Variants in CHSY3 observed in about 807,000 individuals in gnomAD.
CHSY3 encodes the protein chondroitin sulfate synthase 3, also known as N-acetylgalactosaminyl-proteoglycan 3-beta-glucuronosyltransferase 3.
A neutral mutation model predicts 67.2 loss-of-function variants in CHSY3; 35 were observed. The observed-to-expected ratio is 0.52, with a 90% CI of 0.40 to 0.69. The LOEUF (loss-of-function observed/expected upper bound fraction) is 0.69, where lower values mean the gene tolerates loss of function less well. CHSY3 is among the 30% of genes least tolerant of loss of function. The pLI, the probability that CHSY3 is intolerant of heterozygous loss-of-function variation, is 0.00. For missense variants in CHSY3, 1,069 were observed against 1,138.5 expected (o/e 0.94, Z 0.88); for synonymous variants, 474 against 434.7 (o/e 1.09, Z -1.12).
At chr5:129,975,090 G>T (rs866250673) in intron 2 of CHSY3, 1 of 152,158 alleles carries the variant, frequency 6.6e-6, no homozygotes, top group South Asian at 2.1e-4. Flanking sequence ...GTGGGGGTAG[G>T]GGGGAAGGAT....
intron 2 of CHSY3, among the ~76,000 whole-genome samples, chr5:130,013,086 G>A (rs1764115320): frequency 6.6e-6 from 1 of 151,912 alleles, no homozygotes; most frequent in African/African-American, 2.4e-5. Context: ...AAATCCAACA[G>A]GCCAGTTATT....
At chr5:130,140,309 T>G (rs922476009) in intron 2 of CHSY3, 29 of 487,980 alleles carry the variant, frequency 5.9e-5, no homozygotes, top group African/African-American at 5.7e-4. Context: ...CAGCCCTTCA[T>G]AGTGGTGAAT....
At chr5:130,160,891 A>ATTT (rs1171885849) in intron 2 of CHSY3, among the ~76,000 whole-genome samples, 12 of 138,252 alleles carry the variant, frequency 8.7e-5, no homozygotes, top group African/African-American at 1.5e-4. Flanking sequence ...TTATTTATTT[A>ATTT]TTTATTTTTT....
intron 2 of CHSY3, among the ~76,000 whole-genome samples, chr5:129,962,391 T>C (rs1168888681): frequency 6.6e-6 from 1 of 151,942 alleles, no homozygotes; most frequent in Non-Finnish European, 1.5e-5. Flanking sequence ...TGTTTTCCTC[T>C]CTCCTCTTAA....
At chr5:130,029,188 G>A (rs1192872447) in intron 2 of CHSY3, among the ~76,000 whole-genome samples, 1 of 152,082 alleles carries the variant, frequency 6.6e-6, no homozygotes, top group Non-Finnish European at 1.5e-5. Flanking sequence ...GGAGCCAGAA[G>A]CTTTGTTCTA....
chr5:130,017,276 G>C (rs565047968), intron 2 of CHSY3, among the ~76,000 whole-genome samples: 26 of 152,078 alleles, frequency 1.7e-4, no homozygotes, highest in Non-Finnish European at 1.3e-4. Flanking sequence ...GCCAGTCTCA[G>C]ATATTCTAGA....
At chr5:129,906,502 CCA>C (rs1389608662) in intron 1 of CHSY3, among the ~76,000 whole-genome samples, 1 of 152,190 alleles carries the variant, frequency 6.6e-6, no homozygotes, top group Admixed American at 6.5e-5. Context: ...CTTCCCAGAA[CCA>C]CAGGCAGCCA....
chr5:129,904,738 G>A lies in CHSY3; in HGVS notation c.-92G>A. The A allele has an allele frequency of 1.6e-6, 2 of 1,233,336 alleles. No homozygotes were observed. The highest frequency in any genetic ancestry group is 2.0e-6 in the Non-Finnish European group (2 of 989,420). The allele number at this position is 1,233,336 out of a possible 1,614,324, so 76.4% of individuals were successfully genotyped here. A position where few individuals can be genotyped will look rare whatever the true frequency, so the allele number is the denominator to read the frequency against. On this transcript the variant is annotated 5_prime_UTR_variant, in exon 1 of 3. Coordinates refer to ENST00000305031, the MANE Select transcript of CHSY3 (RefSeq NM_175856.5). The stretch of plus-strand genomic sequence containing the variant: ...CGGCCGGCTGCGGCCGCGGCTGGGG[G>A]CGCAAAGGCGGAGGAGGGGCGGGTG...
Position 129,949,052 on chromosome 5 carries a change from C to CT in CHSY3, c.1086+40697dup, listed in dbSNP as rs202232664. Among the ~76,000 whole-genome samples, 916 of 149,544 alleles carry CT rather than the reference C, an allele frequency of 6.1e-3. 7 individuals carry two copies. The highest frequency in any genetic ancestry group is 0.022 in the African/African-American group (863 of 39,050). ...GATTATTTCTTTTGCTGTGCAGAAG[C>CT]TTTTTAATGATAAAAGGACTAGTCC... is the stretch of plus-strand genomic sequence containing the variant. On this transcript the variant is annotated intron_variant, in intron 2 of 2. Coordinates refer to ENST00000305031, the MANE Select transcript of CHSY3 (RefSeq NM_175856.5).
chr5:129,939,177 A>G (rs1391980765), intron 2 of CHSY3, among the ~76,000 whole-genome samples: 1 of 152,114 alleles, frequency 6.6e-6, no homozygotes, highest in African/African-American at 2.4e-5. Flanking sequence ...AGTGCTACAC[A>G]CTTTGAAATA....
At chr5:130,167,531 G>T (rs1769783566) in intron 2 of CHSY3, among the ~76,000 whole-genome samples, 2 of 152,104 alleles carry the variant, frequency 1.3e-5, no homozygotes, top group Non-Finnish European at 2.9e-5. Flanking sequence ...CTATAGTCAG[G>T]AAGAAACCTA....
intron 2 of CHSY3, among the ~76,000 whole-genome samples, chr5:129,999,780 C>T (rs1763665017): frequency 6.6e-6 from 1 of 152,120 alleles, no homozygotes; most frequent in African/African-American, 2.4e-5. Context: ...AATTTAAACT[C>T]TACCATATAT....
chr5:130,164,852 T>C (rs1205851034), intron 2 of CHSY3, among the ~76,000 whole-genome samples: 1 of 152,138 alleles, frequency 6.6e-6, no homozygotes, highest in Non-Finnish European at 1.5e-5. Context: ...CCAGGAGACA[T>C]ATACCAGTCC....
chr5:130,013,019 A>T (rs532705663), intron 2 of CHSY3, among the ~76,000 whole-genome samples: 94 of 151,994 alleles, frequency 6.2e-4, no homozygotes, highest in African/African-American at 2.2e-3. Flanking sequence ...AAATGCACCC[A>T]TTCCAAATTA....
intron 2 of CHSY3, among the ~76,000 whole-genome samples, chr5:129,921,043 C>T (rs951579909): frequency 2.0e-5 from 3 of 152,150 alleles, no homozygotes; most frequent in Non-Finnish European, 4.4e-5. Context: ...TGATCTCCAA[C>T]TCCTGAGCTC....
At chr5:129,953,933 T>C (rs1427149340) in intron 2 of CHSY3, among the ~76,000 whole-genome samples, 2 of 152,202 alleles carry the variant, frequency 1.3e-5, no homozygotes, top group African/African-American at 4.8e-5. Context: ...GTAGGTTGCC[T>C]GTTCACTCTG....
chr5:129,964,931 A>G (rs1256688110), intron 2 of CHSY3, among the ~76,000 whole-genome samples: 2 of 151,918 alleles, frequency 1.3e-5, no homozygotes, highest in African/African-American at 4.8e-5. Context: ...TTCAAATACC[A>G]GTACATTATT....
In CHSY3 at chr5:129,905,435, C is replaced by T; in HGVS notation, c.606C>T (p.Arg202=). ...CCTGGGCGCGTTTCATCCCGGGCCG[C>T]GTGGAGTTCTTTTCCAGCCAGCAGC... ...QRTWARFIPG[R]VEFFSSQQPP... is the part of the protein sequence containing the mutation. The change falls in exon 1 of 3, where the codon CGC becomes CGT. Residue 202 remains arginine, a synonymous_variant. Coordinates refer to ENST00000305031, the MANE Select transcript of CHSY3 (RefSeq NM_175856.5). 2 of 1,611,614 alleles carry T rather than the reference C, an allele frequency of 1.2e-6. No individual in the cohort carries two copies. The highest frequency in any genetic ancestry group is 8.5e-7 in the Non-Finnish European group (1 of 1,179,798).
At position 129,944,912 on chromosome 5, in the gene CHSY3, ATAAG is replaced by A. The variant is rs1316779643; in HGVS notation, c.1086+36554_1086+36557del. On this transcript the variant is annotated intron_variant, in intron 2 of 2. Coordinates refer to ENST00000305031, the MANE Select transcript of CHSY3 (RefSeq NM_175856.5). ...TGTTAGTAGCTTAGACAAACAAAAA[ATAAG>A]TGAGTTTTTTGTTTAAAAAAGGAAT... Among the ~76,000 whole-genome samples, 6 of 152,216 alleles carry A rather than the reference ATAAG, an allele frequency of 3.9e-5. No homozygotes were observed. In the East Asian group the frequency reaches 1.2e-3, roughly 29 times the overall value.
Sources: allele counts gnomAD v4.1 joint callset (sites outside exome capture counted in the v4.1 genomes callset), GRCh38; gene constraint gnomAD v4.1.1; transcripts MANE v1.5; gene names NCBI Gene and HGNC (gene_info 2026-07-23, HGNC 2026-07-21).